The following SLC2A12 variants were observed in gnomAD, a reference collection of about 807,000 sequenced individuals.
SLC2A12 encodes solute carrier family 2 member 12.
SLC2A12 carries 23 observed loss-of-function variants against 41.8 expected under a neutral mutation model. The ratio of observed to expected loss-of-function variants is 0.55; its 90% CI spans 0.40 to 0.78. SLC2A12 has a LOEUF of 0.78. SLC2A12 is among the 30% of genes least tolerant of loss of function. SLC2A12 has a pLI of 0.00. For missense variants in SLC2A12, 654 were observed against 745.6 expected, an observed-to-expected ratio of 0.88 and a Z score of 1.43; for synonymous variants, 295 against 285.9, an observed-to-expected ratio of 1.03 and a Z score of -0.32.
intron 1 of SLC2A12, among the ~76,000 whole-genome samples, chr6:134,045,463 G>T (rs1440027410): frequency 6.6e-6 from 1 of 152,172 alleles, no homozygotes; most frequent in African/African-American, 2.4e-5. Context: ...GAACAGTGTG[G>T]AATCAGAGTC....
At chr6:134,030,594 TAAAAC>T (rs1209279516) in intron 1 of SLC2A12, among the ~76,000 whole-genome samples, 1 of 152,032 alleles carries the variant, frequency 6.6e-6, no homozygotes, top group Non-Finnish European at 1.5e-5. Flanking sequence ...AAAATAGAAA[TAAAAC>T]AAAACAAAAA....
intron 4 of SLC2A12, among the ~76,000 whole-genome samples, chr6:133,997,474 G>A (rs541511183): frequency 1.1e-4 from 16 of 152,230 alleles, no homozygotes; most frequent in South Asian, 6.2e-4. Context: ...CTACACAGCC[G>A]TCAAAAAGAA....
intron 4 of SLC2A12, among the ~76,000 whole-genome samples, chr6:133,994,931 A>G (rs562708328): frequency 4.6e-5 from 7 of 152,186 alleles, no homozygotes; most frequent in Admixed American, 2.6e-4. Context: ...AGCCAAGAGC[A>G]CTATCTCCAG....
chr6:134,034,478 ACT>A (rs1393012870), intron 1 of SLC2A12, among the ~76,000 whole-genome samples: 3 of 152,098 alleles, frequency 2.0e-5, no homozygotes, highest in Non-Finnish European at 4.4e-5. Context: ...TGAGATTGTG[ACT>A]CTGATACTTC....
intron 1 of SLC2A12, among the ~76,000 whole-genome samples, chr6:134,038,700 CTT>C (rs200794350): frequency 3.2e-4 from 26 of 82,126 alleles, no homozygotes; most frequent in Non-Finnish European, 4.5e-4. Flanking sequence ...CCTTTCTTTC[CTT>C]TTTTTTTTTT....
At chr6:134,003,166 G>A (rs976626824) in intron 3 of SLC2A12, among the ~76,000 whole-genome samples, 10 of 152,212 alleles carry the variant, frequency 6.6e-5, no homozygotes, top group African/African-American at 2.4e-4. Flanking sequence ...TCGAAGCATA[G>A]TAACTACTTG....
Position 133,991,177 on chromosome 6 carries a change from C to T in SLC2A12, c.1832G>A (p.Arg611Lys). The T allele has an allele frequency of 6.2e-7, 1 of 1,612,878 alleles. No homozygotes were observed. The highest frequency in any genetic ancestry group is 8.5e-7 in the Non-Finnish European group (1 of 1,179,716). The stretch of plus-strand genomic sequence containing the variant: ...CCATTAGGTCTCTGGAGAAAGCTGC[C>T]TGGATTGGCCCCTACCACACAGCTT... The part of the protein sequence containing the change: ...CNKLCGRGQS[R>K]QLSPET The change falls in exon 5 of 5, where the codon AGG becomes AAG. Residue 611 changes from arginine (R) to lysine (K), a missense_variant. Around this residue, in one of 3 missense-constraint regions of SLC2A12, gnomAD observed 134 missense variants for 180.5 expected, o/e 0.74. Transcript: ENST00000275230.
chr6:134,001,506 G>A (rs894459254), intron 4 of SLC2A12, among the ~76,000 whole-genome samples: 4 of 152,128 alleles, frequency 2.6e-5, no homozygotes, highest in East Asian at 1.9e-4. Context: ...GGAAAATATG[G>A]TTTAATGCTT....
intron 1 of SLC2A12, among the ~76,000 whole-genome samples, chr6:134,040,126 G>T (rs1292744854): frequency 6.6e-6 from 1 of 150,940 alleles, no homozygotes; most frequent in African/African-American, 2.4e-5. Flanking sequence ...ACCCAGGCTG[G>T]AGTGCAGTGG....
chr6:134,052,316 A>C, intron 1 of SLC2A12, 62 bp downstream of exon 1: 2 of 1,252,538 alleles, frequency 1.6e-6, no homozygotes, highest in Non-Finnish European at 2.3e-6. Flanking sequence ...GAGACAGTAC[A>C]CTCGGGAGAT....
chr6:133,998,680 A>G lies in SLC2A12; in HGVS notation c.1700+3317T>C, dbSNP rs184237445. Among the ~76,000 whole-genome samples, 801 of 152,332 alleles carry G rather than the reference A, an allele frequency of 5.3e-3. 1 individual carries two copies. The highest frequency in any genetic ancestry group is 9.1e-3 in the Non-Finnish European group (616 of 68,036). ...CTCAGCTTCCTGAGTGGCTGGGACT[A>G]CAGGCGCAAGCCACCATGCCCAGCT... is the stretch of plus-strand genomic sequence containing the variant. On this transcript the variant is annotated intron_variant, in intron 4 of 4. Transcript: ENST00000275230.
At chr6:134,031,121 G>A (rs1777199142) in intron 1 of SLC2A12, among the ~76,000 whole-genome samples, 1 of 152,188 alleles carries the variant, frequency 6.6e-6, no homozygotes, top group Admixed American at 6.5e-5. Context: ...GCTGGATGTG[G>A]TGGCTCACGC....
intron 2 of SLC2A12, among the ~76,000 whole-genome samples, chr6:134,016,518 C>T (rs1377586794): frequency 6.6e-6 from 1 of 151,864 alleles, no homozygotes; most frequent in Non-Finnish European, 1.5e-5. Flanking sequence ...TAATAAACTG[C>T]CCTTTGTCTC....
chr6:134,034,779 G>C (rs1451141699), intron 1 of SLC2A12, among the ~76,000 whole-genome samples: 1 of 152,216 alleles, frequency 6.6e-6, no homozygotes, highest in African/African-American at 2.4e-5. Flanking sequence ...GTGAAGGACA[G>C]AGTAAGATGA....
intron 2 of SLC2A12, among the ~76,000 whole-genome samples, chr6:134,023,358 A>G (rs964093954): frequency 2.0e-5 from 3 of 152,210 alleles, no homozygotes; most frequent in African/African-American, 7.2e-5. Flanking sequence ...ACTGAGAAAA[A>G]GCCCCAGAGC....
intron 2 of SLC2A12, among the ~76,000 whole-genome samples, chr6:134,026,147 CT>C (rs1156454580): frequency 6.6e-6 from 1 of 152,114 alleles, no homozygotes; most frequent in Admixed American, 6.6e-5. Context: ...GTATCCCTTC[CT>C]TTTTTTGTGG....
At chr6:134,008,104 A>G (rs1193137310) in intron 2 of SLC2A12, among the ~76,000 whole-genome samples, 2 of 152,212 alleles carry the variant, frequency 1.3e-5, no homozygotes, top group Non-Finnish European at 2.9e-5. Flanking sequence ...CTGATTTATC[A>G]ACCAATTACA....
rs554334531 is a variant in SLC2A12, at chr6:134,036,527, T to C, written c.104-6806A>G. ...CTTTGATTGACCTGTGTGTCTTCAC[T>C]ATTAGACTGGAAGTTCCTTGAAGGC... On this transcript the variant is annotated intron_variant, in intron 1 of 4. Coordinates refer to ENST00000275230, the MANE Select transcript of SLC2A12 (RefSeq NM_145176.3). 5.9e-5 allele frequency among the ~76,000 whole-genome samples: 9 copies of C among 152,358 alleles called. No individual in the cohort carries two copies. The South Asian group carries it at 1.9e-3, about 32-fold the overall frequency.
chr6:134,036,604 A>G (rs9493801), intron 1 of SLC2A12, among the ~76,000 whole-genome samples: 3,123 of 152,302 alleles, frequency 0.021, 125 homozygotes, highest in African/African-American at 0.07. Context: ...CTTCTGGCAC[A>G]AAGTAAATAC....
Sources: gnomAD v4.1 joint callset for allele counts (sites outside exome capture counted in the v4.1 genomes callset) on GRCh38, gnomAD v4.1.1 for gene constraint, gnomAD v4.1.1 regional missense constraint, MANE v1.5 for transcripts, NCBI Gene and HGNC (gene_info 2026-07-23, HGNC 2026-07-21) for gene names.